Variants in MARCHF1 observed in about 807,000 individuals in gnomAD.
The protein encoded by MARCHF1 is membrane associated ring-CH-type finger 1.
A neutral mutation model predicts 54.2 loss-of-function variants in MARCHF1; 40 were observed. The ratio of observed to expected loss-of-function variants is 0.74; its 90% CI spans 0.57 to 0.96. The LOEUF is 0.96. Ranked by LOEUF, MARCHF1 falls within the 40% of genes least tolerant of loss-of-function variation. MARCHF1 has a pLI of 0.00. For synonymous variants in MARCHF1, 236 were observed against 236.3 expected, an observed-to-expected ratio of 1.00 and a Z score of 0.01; for missense variants, 586 against 656.5, an observed-to-expected ratio of 0.89 and a Z score of 1.17.
chr4:163,760,760 AT>A (rs1746805624), intron 4 of MARCHF1, among the ~76,000 whole-genome samples: 1 of 152,126 alleles, frequency 6.6e-6, no homozygotes, highest in Admixed American at 6.5e-5. Context: ...CTGCGCTCTT[AT>A]TTTATGGTGT....
At chr4:163,667,753 G>A (rs535774717) in intron 5 of MARCHF1, among the ~76,000 whole-genome samples, 2 of 152,020 alleles carry the variant, frequency 1.3e-5, no homozygotes, top group South Asian at 4.2e-4. Flanking sequence ...AGCCTCCCGA[G>A]TAACTGGAAT....
At chr4:164,334,756 G>T (rs1729686373) in intron 1 of MARCHF1, among the ~76,000 whole-genome samples, 2 of 152,160 alleles carry the variant, frequency 1.3e-5, no homozygotes, top group South Asian at 4.1e-4. Flanking sequence ...ATGGATCTGG[G>T]CAAAGTAAAT....
chr4:164,135,823 T>C (rs546906696), intron 1 of MARCHF1, among the ~76,000 whole-genome samples: 25 of 152,354 alleles, frequency 1.6e-4, no homozygotes, highest in Non-Finnish European at 2.2e-4. Context: ...ACCAGGATTA[T>C]TGGAATTCCT....
chr4:164,149,759 C>A (rs528306178), intron 1 of MARCHF1, among the ~76,000 whole-genome samples: 1 of 152,086 alleles, frequency 6.6e-6, no homozygotes, highest in African/African-American at 2.4e-5. Context: ...CTAGAGCATA[C>A]ATTTTGGATG....
At chr4:163,822,647 A>G (rs1003572572) in intron 4 of MARCHF1, among the ~76,000 whole-genome samples, 1 of 151,898 alleles carries the variant, frequency 6.6e-6, no homozygotes, top group African/African-American at 2.4e-5. Flanking sequence ...TTTTAGGGTA[A>G]TGTAATAATT....
At chr4:163,745,849 A>C (rs1363056819) in intron 4 of MARCHF1, among the ~76,000 whole-genome samples, 1 of 152,148 alleles carries the variant, frequency 6.6e-6, no homozygotes, top group African/African-American at 2.4e-5. Context: ...TAAAAAAAAA[A>C]AGAGACTTTA....
chr4:164,192,096 T>A (rs1731139487), intron 1 of MARCHF1, among the ~76,000 whole-genome samples: 1 of 152,126 alleles, frequency 6.6e-6, no homozygotes, highest in Non-Finnish European at 1.5e-5. Context: ...AAACTGACAT[T>A]GCAGTGCATT....
At chr4:163,709,661 C>G (rs1579214900) in intron 4 of MARCHF1, among the ~76,000 whole-genome samples, 1 of 152,096 alleles carries the variant, frequency 6.6e-6, no homozygotes, top group South Asian at 2.1e-4. Context: ...TATACAGGCA[C>G]TAAATTATTT....
intron 3 of MARCHF1, among the ~76,000 whole-genome samples, chr4:163,903,347 T>G (rs1750981855): frequency 6.6e-6 from 1 of 152,170 alleles, no homozygotes; most frequent in Non-Finnish European, 1.5e-5. Context: ...TCAAGATATC[T>G]CTATTTAACC....
At chr4:163,573,994 T>C (rs1391106859) in intron 8 of MARCHF1, among the ~76,000 whole-genome samples, 2 of 152,132 alleles carry the variant, frequency 1.3e-5, no homozygotes, top group East Asian at 3.9e-4. Flanking sequence ...GACTTTTTAA[T>C]GATTGCCATT....
intron 1 of MARCHF1, chr4:164,189,490 C>T: frequency 1.4e-6 from 1 of 725,836 alleles, no homozygotes; most frequent in South Asian, 1.5e-5. Context: ...AAAGATTCAG[C>T]AACTGGTTAA....
chr4:163,983,919 GT>G (rs1167680073), intron 3 of MARCHF1, among the ~76,000 whole-genome samples: 2 of 150,192 alleles, frequency 1.3e-5, no homozygotes, highest in Non-Finnish European at 3.0e-5. Context: ...GACTAAATAT[GT>G]TTTTTTAACT....
chr4:164,357,638 C>T (rs916974890), intron 1 of MARCHF1, among the ~76,000 whole-genome samples: 2 of 152,074 alleles, frequency 1.3e-5, no homozygotes, highest in Non-Finnish European at 1.5e-5. Flanking sequence ...CAATTAAATA[C>T]ACTTAAGAGA....
intron 2 of MARCHF1, among the ~76,000 whole-genome samples, chr4:164,045,734 A>C (rs1371667419): frequency 6.7e-6 from 1 of 149,324 alleles, no homozygotes; most frequent in Non-Finnish European, 1.5e-5. Flanking sequence ...AAAACTAGTC[A>C]TGTAATACAC....
intron 1 of MARCHF1, among the ~76,000 whole-genome samples, chr4:164,267,771 TAAATA>T (rs1403720541): frequency 6.6e-6 from 1 of 152,046 alleles, no homozygotes; most frequent in African/African-American, 2.4e-5. Flanking sequence ...ATTAAAAAAA[TAAATA>T]AAATAAACCT....
intron 1 of MARCHF1, among the ~76,000 whole-genome samples, chr4:164,352,070 A>G (rs1730358705): frequency 7.9e-6 from 1 of 126,986 alleles, no homozygotes; most frequent in East Asian, 2.2e-4. Flanking sequence ...AAAAAAGAAT[A>G]AAAAGAAATG....
At chr4:163,736,564 T>C (rs1055404258) in intron 4 of MARCHF1, among the ~76,000 whole-genome samples, 8 of 149,386 alleles carry the variant, frequency 5.4e-5, no homozygotes, top group East Asian at 2.0e-4. Context: ...GGGGGGACTA[T>C]TGTATTATCT....
At chr4:163,910,039 G>C (rs1212441774) in intron 3 of MARCHF1, among the ~76,000 whole-genome samples, 2 of 152,056 alleles carry the variant, frequency 1.3e-5, no homozygotes. Flanking sequence ...CTAGGACATT[G>C]GTTCTTAGTC....
intron 8 of MARCHF1, among the ~76,000 whole-genome samples, chr4:163,577,478 T>G (rs1740077851): frequency 1.3e-5 from 2 of 152,054 alleles, no homozygotes; most frequent in Non-Finnish European, 2.9e-5. Context: ...ATCTTTTGTA[T>G]GTAATCTGAC....
Sources: gnomAD v4.1 joint callset for allele counts (sites outside exome capture counted in the v4.1 genomes callset) on GRCh38, gnomAD v4.1.1 for gene constraint, MANE v1.5 for transcripts, NCBI Gene and HGNC (gene_info 2026-07-23, HGNC 2026-07-21) for gene names.